Variants in MICU1 observed in about 807,000 individuals in gnomAD.
The protein encoded by MICU1 is mitochondrial calcium uptake 1, also known as calcium uptake protein 1, mitochondrial.
In MICU1, 45 loss-of-function variants were observed where a neutral mutation model predicts 56.8. The observed-to-expected ratio is 0.79, with a 90% CI of 0.62 to 1.02. The LOEUF is 1.02. MICU1 is among the 50% of genes least tolerant of loss of function. The pLI is 0.00. For synonymous variants in MICU1, 186 were observed against 195.1 expected (o/e 0.95, Z 0.39); for missense variants, 504 against 587.1 (o/e 0.86, Z 1.46).
At chr10:72,416,858 T>C (rs1237765912) in intron 9 of MICU1, among the ~76,000 whole-genome samples, 1 of 152,200 alleles carries the variant, frequency 6.6e-6, no homozygotes, top group African/African-American at 2.4e-5. Flanking sequence ...TTGCACTTGA[T>C]AAGCATTTAC....
At chr10:72,489,837 G>C (rs1866595589) in intron 6 of MICU1, among the ~76,000 whole-genome samples, 1 of 152,192 alleles carries the variant, frequency 6.6e-6, no homozygotes, top group Admixed American at 6.5e-5. Flanking sequence ...ATACTTGAAT[G>C]ATTAGCTTGA....
chr10:72,440,958 T>C (rs2132181459), intron 8 of MICU1, among the ~76,000 whole-genome samples: 1 of 152,300 alleles, frequency 6.6e-6, no homozygotes, highest in East Asian at 1.9e-4. Context: ...GGTGGGATTG[T>C]AAATTAGTTC....
At chr10:72,377,532 T>G (rs1406174137) in intron 10 of MICU1, among the ~76,000 whole-genome samples, 1 of 152,128 alleles carries the variant, frequency 6.6e-6, no homozygotes, top group Non-Finnish European at 1.5e-5. Context: ...ACATTCACCG[T>G]CAAACACTAG....
chr10:72,496,326 G>A (rs1284947541), intron 6 of MICU1, among the ~76,000 whole-genome samples: 1 of 142,068 alleles, frequency 7.0e-6, no homozygotes, highest in African/African-American at 2.7e-5. Context: ...TTCCGAGACA[G>A]AGTCTTGTTC....
intron 1 of MICU1, among the ~76,000 whole-genome samples, chr10:72,604,289 T>G (rs1410286438): frequency 6.6e-6 from 1 of 151,074 alleles, no homozygotes; most frequent in Non-Finnish European, 1.5e-5. Context: ...TTTTTTTTTT[T>G]TGAGACGGAG....
At chr10:72,531,187 A>T (rs376713586) in intron 5 of MICU1, among the ~76,000 whole-genome samples, 1 of 152,174 alleles carries the variant, frequency 6.6e-6, no homozygotes, top group African/African-American at 2.4e-5. Context: ...CTTCCAAATT[A>T]AAAAAAACAG....
chr10:72,600,007 C>T (rs1841481621), intron 1 of MICU1, among the ~76,000 whole-genome samples: 1 of 152,026 alleles, frequency 6.6e-6, no homozygotes. Context: ...AAAAGAAAGT[C>T]ATGGCCAGGC....
At chr10:72,552,218 C>A (rs762992189) in intron 3 of MICU1, among the ~76,000 whole-genome samples, 1 of 152,132 alleles carries the variant, frequency 6.6e-6, no homozygotes, top group Non-Finnish European at 1.5e-5. Flanking sequence ...GGGAATCACA[C>A]AAGCAAATGT....
chr10:72,496,186 G>A (rs1282356884), intron 6 of MICU1, among the ~76,000 whole-genome samples: 1 of 152,044 alleles, frequency 6.6e-6, no homozygotes. Context: ...GGAGTGCAGT[G>A]GCACAATCTC....
intron 4 of MICU1, among the ~76,000 whole-genome samples, chr10:72,538,351 A>T (rs1224768417): frequency 2.0e-5 from 3 of 152,148 alleles, no homozygotes; most frequent in Admixed American, 2.0e-4. Context: ...CAGAGACTAT[A>T]AACAGGCAAT....
At chr10:72,472,308 A>G (rs1244909477) in intron 8 of MICU1, among the ~76,000 whole-genome samples, 4 of 152,242 alleles carry the variant, frequency 2.6e-5, no homozygotes, top group African/African-American at 4.8e-5. Context: ...CGATTAATTT[A>G]TGACTAATTT....
chr10:72,580,079 G>T (rs189745377), intron 1 of MICU1, among the ~76,000 whole-genome samples: 8 of 152,178 alleles, frequency 5.3e-5, no homozygotes, highest in Admixed American at 2.0e-4. Flanking sequence ...TTTAGTAAGA[G>T]AATTTTATAA....
At chr10:72,387,185 TAATC>T (rs1862918656) in intron 10 of MICU1, among the ~76,000 whole-genome samples, 1 of 152,204 alleles carries the variant, frequency 6.6e-6, no homozygotes, top group African/African-American at 2.4e-5. Flanking sequence ...GATTTAGTTA[TAATC>T]ATACAATTTC....
chr10:72,497,581 T>G (rs377453983), intron 6 of MICU1, among the ~76,000 whole-genome samples: 1 of 152,280 alleles, frequency 6.6e-6, no homozygotes, highest in East Asian at 1.9e-4. Context: ...CATCAATTAT[T>G]GAGGGCTAAA....
chr10:72,613,662 A>G (rs904970862), intron 1 of MICU1, among the ~76,000 whole-genome samples: 1 of 152,116 alleles, frequency 6.6e-6, no homozygotes, highest in African/African-American at 2.4e-5. Flanking sequence ...TCAAATTAAT[A>G]ATTACCTAAT....
chr10:72,471,672 A>C (rs1865956548), intron 8 of MICU1, among the ~76,000 whole-genome samples: 1 of 151,196 alleles, frequency 6.6e-6, no homozygotes, highest in South Asian at 2.1e-4. Flanking sequence ...TTGGACCTAC[A>C]CTCTGTTTAA....
intron 8 of MICU1, among the ~76,000 whole-genome samples, chr10:72,470,321 T>G (rs2132257747): frequency 6.6e-6 from 1 of 152,310 alleles, no homozygotes; most frequent in East Asian, 1.9e-4. Flanking sequence ...TGTAAGGATG[T>G]CATCAATAAG....
chr10:72,393,559 C>T (rs6480621), intron 10 of MICU1, among the ~76,000 whole-genome samples: 6,247 of 151,980 alleles, frequency 0.041, 422 homozygotes, highest in African/African-American at 0.14. Flanking sequence ...GGGAAAAAAA[C>T]GATATTTTAT....
chr10:72,394,326 G>A (rs1863175634), intron 10 of MICU1, among the ~76,000 whole-genome samples: 2 of 152,150 alleles, frequency 1.3e-5, no homozygotes, highest in African/African-American at 4.8e-5. Context: ...ACCCACTACA[G>A]CAACCAAGAA....
Sources: gnomAD v4.1 joint callset for allele counts (sites outside exome capture counted in the v4.1 genomes callset) on GRCh38, gnomAD v4.1.1 for gene constraint, MANE v1.5 for transcripts, NCBI Gene and HGNC (gene_info 2026-07-23, HGNC 2026-07-21) for gene names.